SPCS2: variants seen among roughly 807,000 people sequenced by gnomAD.
SPCS2 encodes signal peptidase complex subunit 2.
A neutral mutation model predicts 22.3 loss-of-function variants in SPCS2; 3 were observed. The ratio of observed to expected loss-of-function variants is 0.13; its 90% CI spans 0.06 to 0.35. The LOEUF is 0.35. Among genes scored for constraint, SPCS2 ranks in the 10% least tolerant of loss-of-function variants. The probability of loss-of-function intolerance (pLI) is 1.00; values close to 1 mark genes in which losing one functional copy is unlikely to be tolerated. For synonymous variants in SPCS2, 67 were observed against 97.2 expected, an observed-to-expected ratio of 0.69 and a Z score of 1.83; for missense variants, 169 against 280.9, an observed-to-expected ratio of 0.60 and a Z score of 2.85.
At chr11:74,976,744 T>C (rs2140222791) in intron 4 of SPCS2, 113 bp from the exon 5 acceptor site, 5 of 1,338,752 alleles carry the variant, frequency 3.7e-6, no homozygotes, top group East Asian at 4.6e-5. Flanking sequence ...GTTTGTTCCC[T>C]GTATCACCGT....
chr11:74,976,818 G>A, intron 4 of SPCS2, 39 bp from the exon 5 acceptor site: 2 of 1,612,414 alleles, frequency 1.2e-6, no homozygotes, highest in Non-Finnish European at 1.7e-6. Context: ...GAATCTCTGT[G>A]TTTGGTTTTT....
At chr11:74,956,009 T>C (rs1267364233) in intron 1 of SPCS2, among the ~76,000 whole-genome samples, 1 of 151,084 alleles carries the variant, frequency 6.6e-6, no homozygotes, top group African/African-American at 2.4e-5. Context: ...ATTTGACTTA[T>C]TGATCACTTC....
At chr11:74,956,333 C>A (rs1056324848) in intron 1 of SPCS2, among the ~76,000 whole-genome samples, 1 of 152,196 alleles carries the variant, frequency 6.6e-6, no homozygotes. Flanking sequence ...CTTGTCATCT[C>A]CACTTAAATG....
intron 1 of SPCS2, among the ~76,000 whole-genome samples, chr11:74,958,091 T>C (rs1034958089): frequency 6.6e-6 from 1 of 152,226 alleles, no homozygotes; most frequent in Non-Finnish European, 1.5e-5. Flanking sequence ...TCATGTAGGC[T>C]TCTCTATTCA....
intron 1 of SPCS2, among the ~76,000 whole-genome samples, chr11:74,961,526 GTTGTTGT>G (rs1209925450): frequency 1.3e-5 from 2 of 149,390 alleles, no homozygotes; most frequent in African/African-American, 4.9e-5. Flanking sequence ...TTTTGTTGTT[GTTGTTGT>G]TTGTTTGTTT....
intron 1 of SPCS2, among the ~76,000 whole-genome samples, chr11:74,956,252 C>G (rs1360432428): frequency 6.6e-6 from 1 of 152,084 alleles, no homozygotes; most frequent in Non-Finnish European, 1.5e-5. Context: ...GTAGAAGTTG[C>G]TGACTTCTAC....
At chr11:74,967,099 C>T (rs1222491607) in intron 3 of SPCS2, among the ~76,000 whole-genome samples, 1 of 152,196 alleles carries the variant, frequency 6.6e-6, no homozygotes, top group East Asian at 1.9e-4. Flanking sequence ...AGGCAGTTAG[C>T]AAACCTCTGA....
At chr11:74,957,726 T>C (rs1213346536) in intron 1 of SPCS2, among the ~76,000 whole-genome samples, 1 of 152,242 alleles carries the variant, frequency 6.6e-6, no homozygotes, top group East Asian at 1.9e-4. Context: ...TAGCATAGTT[T>C]ATAATTCATT....
rs77390321 is a variant in SPCS2 at position 74,974,228 on chromosome 11, A to G, written c.495-2629A>G. ...CATCTCCCATTTTTTTACATTTGAAATGCCACCAGGGCTTGTTCTGGAACC... is the reference window on the plus strand; with the variant it reads ...CATCTCCCATTTTTTTACATTTGAAGTGCCACCAGGGCTTGTTCTGGAACC... On this transcript the variant is annotated intron_variant, in intron 4 of 4. Coordinates refer to ENST00000263672, the MANE Select transcript of SPCS2 (RefSeq NM_014752.3). Among the ~76,000 whole-genome samples the G allele has an allele frequency of 1.4e-4, 22 of 152,188 alleles. No homozygotes were observed. The East Asian group carries it at 2.5e-3, about 17-fold the overall frequency.
chr11:74,963,384 C>T (rs974678426), intron 1 of SPCS2, among the ~76,000 whole-genome samples: 11 of 151,570 alleles, frequency 7.3e-5, no homozygotes, highest in Admixed American at 6.6e-4. Context: ...ATTTTTAGCT[C>T]ATGTTATTTC....
intron 3 of SPCS2, 145 bp downstream of exon 3, chr11:74,966,068 A>T (rs1824956326): frequency 1.4e-6 from 1 of 703,948 alleles, no homozygotes. Flanking sequence ...ATGTTTATAT[A>T]GTAAATATCT....
At chr11:74,966,014 A>T in intron 3 of SPCS2, 91 bp downstream of exon 3, 4 of 1,173,848 alleles carry the variant, frequency 3.4e-6, no homozygotes, top group Non-Finnish European at 3.6e-6. Context: ...ACGGACTTTC[A>T]TATTAGGGCT....
At chr11:74,960,040 T>G (rs952625710) in intron 1 of SPCS2, among the ~76,000 whole-genome samples, 6 of 152,216 alleles carry the variant, frequency 3.9e-5, no homozygotes, top group Non-Finnish European at 8.8e-5. Context: ...ATCAGGTGTG[T>G]TAGTCTGACA....
In SPCS2 at chr11:74,949,509, C is replaced by T. The variant is rs534044298; in HGVS notation, c.114+110C>T. The T allele has an allele frequency of 2.3e-5, 22 of 939,830 alleles. No homozygotes were observed. In the South Asian group the frequency reaches 2.8e-4, roughly 12 times the overall value. The allele number at this position is 939,830 out of a possible 1,614,324, so 58.2% of individuals were successfully genotyped here. On this transcript the variant is annotated intron_variant, in intron 1 of 4. Transcript: ENST00000263672. ...TTTTCTACGGCCTTTTGAGGGGAGCCCTTGTGTGACCACTATCACAACCCT... is the reference window on the plus strand; with the variant it reads ...TTTTCTACGGCCTTTTGAGGGGAGCTCTTGTGTGACCACTATCACAACCCT...
At chr11:74,958,743 C>T (rs1948493535) in intron 1 of SPCS2, among the ~76,000 whole-genome samples, 1 of 152,026 alleles carries the variant, frequency 6.6e-6, no homozygotes, top group South Asian at 2.1e-4. Flanking sequence ...TTTCATGTTC[C>T]TTATAACTAG....
Position 74,978,808 on chromosome 11 carries a change from T to C in SPCS2, c.*1765T>C, listed in dbSNP as rs1040967186. The C allele has an allele frequency of 2.6e-5, 4 of 152,244 alleles. No individual in the cohort carries two copies. The highest frequency in any genetic ancestry group is 9.6e-5 in the African/African-American group (4 of 41,460). 9.4% of individuals were successfully genotyped at this position (152,244 alleles called of 1,614,324 possible). On this transcript the variant is annotated 3_prime_UTR_variant, in exon 5 of 5. Transcript: ENST00000263672. Reference sequence around the variant, plus strand: ...ACACAAGGGTCTCGAGGCTTGCAGATAGAGACTGAATAACCCTCTCCATGA... The same window carrying C: ...ACACAAGGGTCTCGAGGCTTGCAGACAGAGACTGAATAACCCTCTCCATGA...
chr11:74,965,014 C>T lies in SPCS2; in HGVS notation c.115-20C>T. The T allele has an allele frequency of 6.5e-7, 1 of 1,533,378 alleles. No individual in the cohort carries two copies. 95.0% of individuals were successfully genotyped at this position (1,533,378 alleles called of 1,614,324 possible). ...AGAGGCCAGGTTTCTTGATGCACAA[C>T]TTTTTTGTTTGTTTTACAGTGGAAG... is the stretch of plus-strand genomic sequence containing the variant. On this transcript the variant is annotated intron_variant, in intron 1 of 4. Coordinates refer to ENST00000263672, the MANE Select transcript of SPCS2 (RefSeq NM_014752.3).
intron 1 of SPCS2, among the ~76,000 whole-genome samples, chr11:74,953,591 T>C (rs184835250): frequency 3.3e-5 from 5 of 152,332 alleles, no homozygotes; most frequent in Admixed American, 3.3e-4. Flanking sequence ...AGAAGTGTAA[T>C]AAAGAGATGC....
intron 4 of SPCS2, 147 bp downstream of exon 4, chr11:74,969,846 A>C: frequency 1.0e-6 from 1 of 987,814 alleles, no homozygotes; most frequent in African/African-American, 1.6e-5. Flanking sequence ...TGGATGATCT[A>C]GAAGGTTTGT....
Sources: allele counts gnomAD v4.1 joint callset (sites outside exome capture counted in the v4.1 genomes callset), GRCh38; gene constraint gnomAD v4.1.1; transcripts MANE v1.5; gene names NCBI Gene and HGNC (gene_info 2026-07-23, HGNC 2026-07-21).